RIMS2: variants seen among roughly 807,000 people sequenced by gnomAD.
RIMS2 encodes the protein regulating synaptic membrane exocytosis protein 2.
Under a neutral mutation model 174.4 loss-of-function variants are expected in RIMS2, and 59 were observed. The observed-to-expected ratio is 0.34, with a 90% CI of 0.27 to 0.42. The LOEUF (loss-of-function observed/expected upper bound fraction) is 0.42, where lower values mean the gene tolerates loss of function less well. Among genes scored for constraint, RIMS2 ranks in the 10% least tolerant of loss-of-function variants. RIMS2 has a pLI of 1.00. For synonymous variants in RIMS2, 606 were observed against 572.5 expected (o/e 1.06, Z -0.84); for missense variants, 1,620 against 1,666.3 (o/e 0.97, Z 0.48).
chr8:104,037,543 C>A (rs1196558257), intron 19 of RIMS2, among the ~76,000 whole-genome samples: 2 of 152,022 alleles, frequency 1.3e-5, no homozygotes, highest in African/African-American at 4.8e-5. Flanking sequence ...TATCAAACAC[C>A]CTTGGTGAAA....
At chr8:103,942,132 T>C (rs2082678353) in intron 13 of RIMS2, among the ~76,000 whole-genome samples, 1 of 152,192 alleles carries the variant, frequency 6.6e-6, no homozygotes, top group South Asian at 2.1e-4. Flanking sequence ...TTCCTGATAC[T>C]TTCCCTCCTC....
At chr8:104,199,522 T>G (rs985618443) in intron 19 of RIMS2, among the ~76,000 whole-genome samples, 2 of 152,232 alleles carry the variant, frequency 1.3e-5, no homozygotes, top group Admixed American at 1.3e-4. Context: ...CTCAAGTGTC[T>G]TTAACTGAAA....
chr8:104,019,475 A>G (rs190908843), intron 19 of RIMS2, among the ~76,000 whole-genome samples: 5 of 152,232 alleles, frequency 3.3e-5, no homozygotes, highest in African/African-American at 9.6e-5. Flanking sequence ...TATATTGTAC[A>G]TAAGATATAT....
intron 19 of RIMS2, among the ~76,000 whole-genome samples, chr8:104,087,160 T>G (rs2097550142): frequency 6.6e-6 from 1 of 152,156 alleles, no homozygotes; most frequent in African/African-American, 2.4e-5. Flanking sequence ...TGATACTTCA[T>G]AATGGAATAA....
At chr8:103,745,777 T>TA (rs1219703857) in intron 2 of RIMS2, among the ~76,000 whole-genome samples, 1 of 152,232 alleles carries the variant, frequency 6.6e-6, no homozygotes, top group Non-Finnish European at 1.5e-5. Flanking sequence ...TATGCAGAAA[T>TA]ATTCAAGTCC....
At chr8:103,541,870 A>G (rs1365360001) in intron 1 of RIMS2, among the ~76,000 whole-genome samples, 2 of 152,240 alleles carry the variant, frequency 1.3e-5, no homozygotes, top group African/African-American at 2.4e-5. Flanking sequence ...TTATGTTAAA[A>G]TAGTCTGTTA....
chr8:103,613,227 A>G (rs936230290), intron 1 of RIMS2, among the ~76,000 whole-genome samples: 1 of 152,204 alleles, frequency 6.6e-6, no homozygotes, highest in African/African-American at 2.4e-5. Context: ...GTTGTATTCT[A>G]CTGTGGCTAA....
chr8:104,093,748 T>A, intron 19 of RIMS2, 105 bp downstream of exon 24: 1 of 887,768 alleles, frequency 1.1e-6, no homozygotes, highest in Non-Finnish European at 1.6e-6. Context: ...AATATATATT[T>A]TAAAGCCAGG....
chr8:104,025,870 T>C lies in RIMS2; in HGVS notation c.3334+11255T>C, dbSNP rs538227010. 4.6e-5 allele frequency among the ~76,000 whole-genome samples: 7 copies of C among 152,314 alleles called. No individual in the cohort carries two copies. The East Asian group carries it at 1.3e-3, about 29-fold the overall frequency. ...TTTAAATACATATATACTTATTGTG[T>C]TGTAATTGCCTGCAGTATTTAGTAT... On this transcript the variant is annotated intron_variant, in intron 19 of 23. Coordinates refer to ENST00000504942, the Ensembl canonical transcript of RIMS2.
At chr8:103,836,317 C>T (rs1262681311) in intron 3 of RIMS2, among the ~76,000 whole-genome samples, 1 of 152,070 alleles carries the variant, frequency 6.6e-6, no homozygotes, top group Non-Finnish European at 1.5e-5. Context: ...TTGGGAAACC[C>T]GGGCAGCAGG....
At chr8:103,868,865 T>C (rs765066350) in intron 3 of RIMS2, among the ~76,000 whole-genome samples, 1 of 152,116 alleles carries the variant, frequency 6.6e-6, no homozygotes, top group Non-Finnish European at 1.5e-5. Context: ...GTATAAGACA[T>C]AGAAAAAACT....
At position 104,101,212 on chromosome 8, in the gene RIMS2, C is replaced by G. The variant is rs565905257; in HGVS notation, c.3334+86597C>G. 2.0e-3 allele frequency among the ~76,000 whole-genome samples: 302 copies of G among 150,776 alleles called. 5 individuals carry two copies. Among genetic ancestry groups the G allele is most frequent in the Non-Finnish European group, 5.8e-4 (39 of 67,788 alleles). The stretch of plus-strand genomic sequence containing the variant: ...CACAATCTCGGCTCGCTGCAACTTC[C>G]GTCACCCGGGTTCAAACAGTTCTCC... On this transcript the variant is annotated intron_variant, in intron 19 of 23. Coordinates refer to ENST00000504942, the Ensembl canonical transcript of RIMS2.
intron 2 of RIMS2, among the ~76,000 whole-genome samples, chr8:103,748,891 C>T (rs1235096860): frequency 6.6e-6 from 1 of 152,026 alleles, no homozygotes; most frequent in Non-Finnish European, 1.5e-5. Flanking sequence ...ACCTCCGCCT[C>T]CCAGGTTCAA....
chr8:104,055,675 A>G (rs2096856478), intron 19 of RIMS2, among the ~76,000 whole-genome samples: 1 of 152,230 alleles, frequency 6.6e-6, no homozygotes, highest in African/African-American at 2.4e-5. Flanking sequence ...CTAGAAGGTT[A>G]GTAACATTTT....
At chr8:103,685,826 A>G (rs778860937) in intron 1 of RIMS2, among the ~76,000 whole-genome samples, 1 of 152,096 alleles carries the variant, frequency 6.6e-6, no homozygotes, top group Non-Finnish European at 1.5e-5. Flanking sequence ...TGTTTTTCAC[A>G]TAAATTTTAG....
chr8:103,944,402 C>G (rs1255594486), intron 14 of RIMS2, among the ~76,000 whole-genome samples: 1 of 152,008 alleles, frequency 6.6e-6, no homozygotes, highest in Non-Finnish European at 1.5e-5. Context: ...ATGTACCAAC[C>G]TAATATATTT....
chr8:104,015,360 C>T, intron 19 of RIMS2: 1 of 649,496 alleles, frequency 1.5e-6, no homozygotes, highest in Non-Finnish European at 2.8e-6. Context: ...AACCCCTGTG[C>T]TTTGGTTCCC....
intron 19 of RIMS2, among the ~76,000 whole-genome samples, chr8:104,244,376 T>A (rs1402961465): frequency 6.6e-6 from 1 of 151,790 alleles, no homozygotes. Context: ...TGTAGATTCT[T>A]TTTCCTTCTA....
intron 1 of RIMS2, among the ~76,000 whole-genome samples, chr8:103,677,808 G>A (rs1172058883): frequency 2.0e-5 from 3 of 152,066 alleles, no homozygotes; most frequent in South Asian, 2.1e-4. Flanking sequence ...GAAAAGATTC[G>A]TGGACAAAAA....
Sources: gnomAD v4.1 joint callset for allele counts (sites outside exome capture counted in the v4.1 genomes callset) on GRCh38, gnomAD v4.1.1 for gene constraint, MANE v1.5 for transcripts, NCBI Gene and HGNC (gene_info 2026-07-23, HGNC 2026-07-21) for gene names.